Variants in FBXL18 observed in about 807,000 individuals in gnomAD.
FBXL18 encodes the protein F-box/LRR-repeat protein 18.
A neutral mutation model predicts 46.0 loss-of-function variants in FBXL18; 36 were observed. The ratio of observed to expected loss-of-function variants is 0.78; its 90% CI spans 0.60 to 1.03. The LOEUF (loss-of-function observed/expected upper bound fraction) is 1.03, where lower values mean the gene tolerates loss of function less well. Among genes scored for constraint, FBXL18 ranks in the 50% least tolerant of loss-of-function variants. FBXL18 has a pLI of 0.00. For synonymous variants in FBXL18, 557 were observed against 465.3 expected (o/e 1.20, Z -2.54); for missense variants, 977 against 1,004.1 (o/e 0.97, Z 0.36).
intron 4 of FBXL18, among the ~76,000 whole-genome samples, chr7:5,488,657 T>G (rs1783836073): frequency 6.6e-6 from 1 of 152,126 alleles, no homozygotes. Context: ...CAGCTCTAGG[T>G]GCACAGTCGC....
rs1437177082 is a variant in FBXL18 at position 5,501,818 on chromosome 7, T to C, written c.451A>G (p.Ile151Val). 1.3e-6 allele frequency: 2 copies of C among 1,584,676 alleles called. No homozygotes were observed. The highest frequency in any genetic ancestry group is 1.7e-6 in the Non-Finnish European group (2 of 1,166,634). Residue 151 changes from isoleucine (I) to valine (V), a missense_variant, in exon 3 of 5, where the codon ATC becomes GTC. By Grantham distance (29) the Ile-to-Val change is conservative. Coordinates refer to ENST00000382368, the MANE Select transcript of FBXL18 (RefSeq NM_024963.6). ...SALQHLRSLA[I>V]DVSPGFDASQ... ...GCGTCGAAGCCGGGGCTCACGTCGA[T>C]GGCCAGCGAGCGCAGGTGCTGCAGG...
chr7:5,507,268 C>T (rs949298213), intron 1 of FBXL18, among the ~76,000 whole-genome samples: 13 of 152,256 alleles, frequency 8.5e-5, no homozygotes, highest in Admixed American at 8.5e-4. Flanking sequence ...GCACACCCCA[C>T]ACGGGTATCG....
chr7:5,491,489 G>T, intron 3 of FBXL18, 40 bp from the exon 4 acceptor site: 3 of 1,499,848 alleles, frequency 2.0e-6, no homozygotes, highest in Non-Finnish European at 1.8e-6. Flanking sequence ...CGAGGGAGGG[G>T]CTCGCAGGCC....
At chr7:5,510,972 T>C (rs1228816633) in intron 1 of FBXL18, among the ~76,000 whole-genome samples, 1 of 152,254 alleles carries the variant, frequency 6.6e-6, no homozygotes, top group Non-Finnish European at 1.5e-5. Context: ...AGTTATTCGC[T>C]AAACTCTGTG....
chr7:5,501,241 C>A lies in FBXL18; in HGVS notation c.1028G>T (p.Arg343Leu), dbSNP rs751324979. ...QQVINGGKDL[R>L]SLASLNLSGC... Reference sequence around the variant, plus strand: ...GCTGAGGTTCAAGCTGGCCAGGCTCCGCAGGTCCTTCCCGCCGTTGATGAC... The same window carrying A: ...GCTGAGGTTCAAGCTGGCCAGGCTCAGCAGGTCCTTCCCGCCGTTGATGAC... The change falls in exon 3 of 5, where the codon CGG (arginine) becomes CTG (leucine). Residue 343 changes from arginine (R) to leucine (L), a missense_variant. By Grantham distance (102) the Arg-to-Leu change is moderately radical. Coordinates refer to ENST00000382368, the MANE Select transcript of FBXL18 (RefSeq NM_024963.6). The A allele has an allele frequency of 3.7e-6, 6 of 1,613,330 alleles. No individual in the cohort carries two copies. Among genetic ancestry groups the A allele is most frequent in the Non-Finnish European group, 4.2e-6 (5 of 1,179,842 alleles).
At chr7:5,505,824 C>T (rs547148541) in intron 1 of FBXL18, among the ~76,000 whole-genome samples, 194 bp from the exon 2 acceptor site, 26 of 152,290 alleles carry the variant, frequency 1.7e-4, no homozygotes, top group African/African-American at 5.8e-4. Flanking sequence ...GCCAGGGTCT[C>T]CCTTCAAAAA....
chr7:5,466,939 A>G (rs981167002), intron 4 of FBXL18, among the ~76,000 whole-genome samples: 1 of 152,168 alleles, frequency 6.6e-6, no homozygotes, highest in Non-Finnish European at 1.5e-5. Context: ...ATTTAAATGT[A>G]CAGGCAGTGG....
rs552857738 is a variant in FBXL18, at chr7:5,493,441, G to A, written c.1782-1992C>T. On this transcript the variant is annotated intron_variant, in intron 3 of 4. Coordinates refer to ENST00000382368, the MANE Select transcript of FBXL18 (RefSeq NM_024963.6). Reference sequence around the variant, plus strand: ...CTCCCGAGTAGCTGGGACTACAGGCGCCTGCCACCGCACCCAGCTAATTTT... The same window carrying A: ...CTCCCGAGTAGCTGGGACTACAGGCACCTGCCACCGCACCCAGCTAATTTT... Among the ~76,000 whole-genome samples the A allele has an allele frequency of 4.6e-5, 7 of 152,096 alleles. 1 individual carries two copies. The highest frequency in any genetic ancestry group is 4.1e-4 in the South Asian group (2 of 4,824).
chr7:5,502,935 C>G (rs1784304114), intron 2 of FBXL18, among the ~76,000 whole-genome samples: 2 of 152,098 alleles, frequency 1.3e-5, no homozygotes, highest in African/African-American at 2.4e-5. Context: ...CCCAAAGGAA[C>G]TGAAAACTGA....
intron 1 of FBXL18, among the ~76,000 whole-genome samples, chr7:5,509,470 G>A (rs1784474072): frequency 6.6e-6 from 1 of 151,850 alleles, no homozygotes; most frequent in Non-Finnish European, 1.5e-5. Flanking sequence ...CAAAGCGGGT[G>A]GATCACGAGG....
chr7:5,463,739 T>C (rs1426281808), intron 4 of FBXL18, among the ~76,000 whole-genome samples: 4 of 37,972 alleles, frequency 1.1e-4, no homozygotes, highest in Non-Finnish European at 2.3e-4. Context: ...TTTTTTTTTT[T>C]TTTTTTTTTT....
chr7:5,499,258 G>A (rs755650531), intron 3 of FBXL18, among the ~76,000 whole-genome samples: 12 of 152,056 alleles, frequency 7.9e-5, no homozygotes, highest in Admixed American at 2.0e-4. Flanking sequence ...GAAACCCCTC[G>A]GCACTGTTGC....
At chr7:5,474,606 G>A (rs953421546), downstream of FBXL18, among the ~76,000 whole-genome samples, 5 of 151,902 alleles carry the variant, frequency 3.3e-5, no homozygotes, top group East Asian at 1.9e-4. Context: ...ATGAGCCACC[G>A]CCCCCAGCTT....
intron 3 of FBXL18, among the ~76,000 whole-genome samples, chr7:5,494,525 A>C (rs1415038296): frequency 2.0e-5 from 3 of 152,222 alleles, no homozygotes; most frequent in African/African-American, 7.2e-5. Flanking sequence ...TAAGCTATTC[A>C]GATTGTTTTT....
Position 5,480,941 on chromosome 7 carries a change from G to A in FBXL18, c.*834C>T, listed in dbSNP as rs1290217820. Reference sequence around the variant, plus strand: ...ACTCCAGCCTTAAGAATCCTTTCTGGGTTTTAATGTTTCGCGTTATTCTAA... The same window carrying A: ...ACTCCAGCCTTAAGAATCCTTTCTGAGTTTTAATGTTTCGCGTTATTCTAA... On this transcript the variant is annotated 3_prime_UTR_variant, in exon 5 of 5. Coordinates refer to ENST00000382368, the MANE Select transcript of FBXL18 (RefSeq NM_024963.6). 6 of 147,966 alleles carry A rather than the reference G, an allele frequency of 4.1e-5. No individual in the cohort carries two copies. Among genetic ancestry groups the A allele is most frequent in the Non-Finnish European group, 7.5e-5 (5 of 66,868 alleles). The allele number at this position is 147,966 out of a possible 1,614,324, so 9.2% of individuals were successfully genotyped here. A position where few individuals can be genotyped will look rare whatever the true frequency, so the allele number is the denominator to read the frequency against.
chr7:5,470,275 G>A (rs1783406660), intron 4 of FBXL18, among the ~76,000 whole-genome samples: 1 of 152,146 alleles, frequency 6.6e-6, no homozygotes, highest in South Asian at 2.1e-4. Flanking sequence ...TGGCATCATG[G>A]CAGGGGACAC....
chr7:5,493,481 G>C (rs1163797467), intron 3 of FBXL18, among the ~76,000 whole-genome samples: 1 of 151,976 alleles, frequency 6.6e-6, no homozygotes, highest in African/African-American at 2.4e-5. Flanking sequence ...ATTTTTAGTA[G>C]AGATGGGGTT....
intron 4 of FBXL18, among the ~76,000 whole-genome samples, chr7:5,469,430 A>G (rs1454551650): frequency 1.3e-5 from 2 of 152,102 alleles, no homozygotes; most frequent in Non-Finnish European, 2.9e-5. Context: ...TTTTTAAAAG[A>G]ATGTGAGTTA....
At chr7:5,492,112 C>A (rs1783943129) in intron 3 of FBXL18, among the ~76,000 whole-genome samples, 2 of 150,188 alleles carry the variant, frequency 1.3e-5, no homozygotes, top group African/African-American at 4.9e-5. Context: ...GGGGGGAGGC[C>A]CAAGTCCGCA....
Sources: allele counts gnomAD v4.1 joint callset (sites outside exome capture counted in the v4.1 genomes callset), GRCh38; gene constraint gnomAD v4.1.1; transcripts MANE v1.5; gene names NCBI Gene and HGNC (gene_info 2026-07-23, HGNC 2026-07-21).